The following PHF21A variants were observed in gnomAD, a reference collection of about 807,000 sequenced individuals.
The protein encoded by PHF21A is PHD finger protein 21A, also known as BHC80a.
A neutral mutation model predicts 82.5 loss-of-function variants in PHF21A; 11 were observed. The ratio of observed to expected loss-of-function variants is 0.13; its 90% CI spans 0.08 to 0.22. The LOEUF is 0.22. Among genes scored for constraint, PHF21A ranks in the 10% least tolerant of loss-of-function variants. The pLI, the probability that PHF21A is intolerant of heterozygous loss-of-function variation, is 1.00. For missense variants in PHF21A, 579 were observed against 837.8 expected, an observed-to-expected ratio of 0.69 and a Z score of 3.81; for synonymous variants, 297 against 302.8, an observed-to-expected ratio of 0.98 and a Z score of 0.20.
intron 15 of PHF21A, among the ~76,000 whole-genome samples, chr11:45,942,645 G>A (rs1452194524): frequency 6.6e-6 from 1 of 152,196 alleles, no homozygotes. Context: ...CACCAGCGAC[G>A]TCTAAGGAAG....
chr11:46,018,031 A>G (rs1385305905), intron 6 of PHF21A, among the ~76,000 whole-genome samples: 1 of 152,042 alleles, frequency 6.6e-6, no homozygotes, highest in Non-Finnish European at 1.5e-5. Flanking sequence ...CGGGCGGATC[A>G]CGAGGTCAGG....
intron 7 of PHF21A, among the ~76,000 whole-genome samples, chr11:45,976,098 G>A (rs1015631652): frequency 9.2e-5 from 14 of 151,998 alleles, no homozygotes. Flanking sequence ...CCTCTCCATC[G>A]TTTCGTGGAT....
chr11:46,074,082 G>A (rs191872503), intron 6 of PHF21A, among the ~76,000 whole-genome samples: 27 of 151,162 alleles, frequency 1.8e-4, no homozygotes, highest in Admixed American at 6.6e-4. Flanking sequence ...AGTGTCTACC[G>A]CAAGAAATAG....
chr11:46,019,917 A>C (rs999084549), intron 6 of PHF21A, among the ~76,000 whole-genome samples: 1 of 152,160 alleles, frequency 6.6e-6, no homozygotes, highest in Non-Finnish European at 1.5e-5. Context: ...GGTTCCTAAT[A>C]ATCTTAATCA....
intron 6 of PHF21A, chr11:46,049,342 T>G (rs1592493095): frequency 2.4e-6 from 1 of 422,332 alleles, no homozygotes; most frequent in East Asian, 7.3e-5. Context: ...TTATGAAATT[T>G]CTTATGCCCT....
At chr11:46,004,766 G>C (rs2137129963) in intron 6 of PHF21A, among the ~76,000 whole-genome samples, 1 of 152,150 alleles carries the variant, frequency 6.6e-6, no homozygotes, top group East Asian at 1.9e-4. Context: ...AAGACTAAAG[G>C]ACTCATCATC....
intron 6 of PHF21A, among the ~76,000 whole-genome samples, chr11:46,055,269 TA>T (rs1348403682): frequency 2.6e-5 from 4 of 152,164 alleles, no homozygotes; most frequent in African/African-American, 9.7e-5. Context: ...TCCAAAGCAT[TA>T]AATTATGGAT....
In PHF21A at chr11:45,953,556, G is replaced by C; in HGVS notation, c.1066C>G (p.Pro356Ala). The C allele has an allele frequency of 6.2e-7, 1 of 1,613,766 alleles. No individual in the cohort carries two copies. The highest frequency in any genetic ancestry group is 8.5e-7 in the Non-Finnish European group (1 of 1,179,698). The change falls in exon 11 of 19, where the codon CCC becomes GCC. Residue 356 changes from proline to alanine, a missense_variant. Pro to Ala is a conservative substitution (Grantham distance 27). Around this residue, in one of 3 missense-constraint regions of PHF21A, gnomAD observed 410 missense variants for 642.1 expected, o/e 0.64. Transcript: ENST00000676320. ...ESRTITPPAA[P>A]KPKREENPQK... ...GGGTTCTCCTCCCGTTTTGGTTTGG[G>C]TGCAGCAGGTGGGGTGATGGTGCGG...
At chr11:45,940,923 A>G (rs2090229332) in intron 15 of PHF21A, among the ~76,000 whole-genome samples, 2 of 152,242 alleles carry the variant, frequency 1.3e-5, no homozygotes, top group African/African-American at 4.8e-5. Context: ...CAGAAGGCAG[A>G]AAGACAGAAA....
chr11:45,933,537 TG>T lies in PHF21A; in HGVS notation c.*430del. 6.3e-6 allele frequency: 1 copy of T among 158,070 alleles called. No homozygotes were observed. The highest frequency in any genetic ancestry group is 1.4e-5 in the Non-Finnish European group (1 of 71,886). The allele number at this position is 158,070 out of a possible 1,614,324, so 9.8% of individuals were successfully genotyped here. On this transcript the variant is annotated 3_prime_UTR_variant, in exon 19 of 19. Transcript: ENST00000676320. Reference sequence around the variant, plus strand: ...GGAAAGCCCACACACTCTTTGGACTTGTCTTCTCTACCTAAACAAACGGCTC... The same window carrying T: ...GGAAAGCCCACACACTCTTTGGACTTTCTTCTCTACCTAAACAAACGGCTC...
chr11:46,013,248 G>GA (rs1000568613), intron 6 of PHF21A, among the ~76,000 whole-genome samples: 3 of 152,030 alleles, frequency 2.0e-5, no homozygotes, highest in Admixed American at 6.6e-5. Context: ...GAAAATTCCA[G>GA]AAAAAATAAT....
intron 10 of PHF21A, among the ~76,000 whole-genome samples, chr11:45,953,876 T>A (rs1434224663): frequency 6.6e-6 from 1 of 152,214 alleles, no homozygotes; most frequent in East Asian, 1.9e-4. Flanking sequence ...AAATAAGGTA[T>A]ATGAAAAGAA....
In PHF21A at chr11:45,987,251, AATGT is replaced by A. The variant is rs57573859; in HGVS notation, c.154-7289_154-7286del. On this transcript the variant is annotated intron_variant, in intron 6 of 18. Transcript: ENST00000676320. ...ACAGAGCGAGACTGTATCATAAATAAATGTATGTATGTATGTATGTATGTATGTA... is the reference window on the plus strand; with the variant it reads ...ACAGAGCGAGACTGTATCATAAATAAATGTATGTATGTATGTATGTATGTA... 3.4e-4 allele frequency among the ~76,000 whole-genome samples: 51 copies of A among 148,562 alleles called. 1 individual carries two copies. Among genetic ancestry groups the A allele is most frequent in the Admixed American group, 7.4e-4 (11 of 14,798 alleles).
intron 6 of PHF21A, among the ~76,000 whole-genome samples, chr11:46,046,027 T>C (rs2138967197): frequency 6.6e-6 from 1 of 152,364 alleles, no homozygotes; most frequent in Middle Eastern, 3.4e-3. Context: ...GTCTGTCTTA[T>C]CTTCAGAAAT....
intron 1 of PHF21A, among the ~76,000 whole-genome samples, chr11:46,102,251 G>C (rs930953257): frequency 6.6e-6 from 1 of 152,192 alleles, no homozygotes; most frequent in Non-Finnish European, 1.5e-5. Context: ...ACCTAACCAG[G>C]AGCTACTGAT....
chr11:46,085,011 T>C (rs1027079277), intron 3 of PHF21A, among the ~76,000 whole-genome samples: 1 of 151,598 alleles, frequency 6.6e-6, no homozygotes, highest in Non-Finnish European at 1.5e-5. Flanking sequence ...TCACACAGAG[T>C]GGACTGGAGA....
chr11:45,986,138 C>T (rs2094485355), intron 6 of PHF21A, among the ~76,000 whole-genome samples: 1 of 93,800 alleles, frequency 1.1e-5, no homozygotes. Context: ...GATTTTACAT[C>T]TCATCTCCAT....
Position 46,014,873 on chromosome 11 carries a change from G to A in PHF21A, c.154-34907C>T, listed in dbSNP as rs2095482911. 2.1e-5 allele frequency among the ~76,000 whole-genome samples: 2 copies of A among 95,856 alleles called. 1 individual carries two copies. The highest frequency in any genetic ancestry group is 3.7e-5 in the Non-Finnish European group (2 of 53,874). The allele number at this position is 95,856 out of a possible 152,430, so 62.9% of individuals were successfully genotyped here. On this transcript the variant is annotated intron_variant, in intron 6 of 18. Coordinates refer to ENST00000676320, the MANE Select transcript of PHF21A (RefSeq NM_001352027.3). ...CGGGCGCCTGTAGTCCCAGCTACTC[G>A]GGAGGCTGAGGCAGGAGAATGGCGT...
At chr11:45,996,588 C>T (rs2959101) in intron 6 of PHF21A, among the ~76,000 whole-genome samples, 89,639 of 152,114 alleles carry the variant, frequency 0.59, 29,559 homozygotes, top group African/African-American at 0.89. Context: ...GAATGCTACT[C>T]TCCATATGCA....
Sources: gnomAD v4.1 joint callset for allele counts (sites outside exome capture counted in the v4.1 genomes callset) on GRCh38, gnomAD v4.1.1 for gene constraint, gnomAD v4.1.1 regional missense constraint, MANE v1.5 for transcripts, NCBI Gene and HGNC (gene_info 2026-07-23, HGNC 2026-07-21) for gene names.